Variants in NOMO1 observed in about 807,000 individuals in gnomAD.
NOMO1 encodes NODAL modulator 1, also known as nodal modulator 3.
Under a neutral mutation model 133.8 loss-of-function variants are expected in NOMO1, and 40 were observed. That is an observed-to-expected ratio of 0.30 (90% confidence interval 0.23 to 0.39). The LOEUF (loss-of-function observed/expected upper bound fraction) is 0.39, where lower values mean the gene tolerates loss of function less well. Among genes scored for constraint, NOMO1 ranks in the 10% least tolerant of loss-of-function variants. NOMO1 has a pLI of 1.00. For synonymous variants in NOMO1, 236 were observed against 570.5 expected (o/e 0.41, Z 8.36); for missense variants, 462 against 1,419.9 (o/e 0.33, Z 10.84).
intron 29 of NOMO1, 138 bp downstream of exon 29, chr16:14,889,353 A>T (rs1964373659): frequency 6.7e-7 from 1 of 1,502,782 alleles, no homozygotes; most frequent in Non-Finnish European, 9.0e-7. Context: ...GCAATACGGT[A>T]AAACCCCAAC....
At chr16:14,868,751 G>C (rs1964039584) in intron 16 of NOMO1, 116 bp downstream of exon 16, 2 of 686,360 alleles carry the variant, frequency 2.9e-6, no homozygotes, top group Non-Finnish European at 5.2e-6. Context: ...TTCAATTTCT[G>C]TGTGTTCAAC....
chr16:14,859,134 G>C (rs546668231), intron 11 of NOMO1, among the ~76,000 whole-genome samples: 2 of 152,088 alleles, frequency 1.3e-5, no homozygotes, highest in African/African-American at 2.4e-5. Context: ...AGAGTGCCAG[G>C]TGGCCCAGGG....
At chr16:14,862,954 A>G in intron 11 of NOMO1, 59 bp from the exon 12 acceptor site, 4 of 1,610,322 alleles carry the variant, frequency 2.5e-6, no homozygotes, top group Non-Finnish European at 3.4e-6. Flanking sequence ...TTGGTCTATA[A>G]GAGCCTTTCC....
At chr16:14,875,599 GGGTT>G (rs1325297012) in intron 20 of NOMO1, among the ~76,000 whole-genome samples, 177 bp downstream of exon 20, 3 of 150,008 alleles carry the variant, frequency 2.0e-5, no homozygotes, top group African/African-American at 4.9e-5. Context: ...ATGGATGGTT[GGGTT>G]GGATGGATGG....
intron 18 of NOMO1, among the ~76,000 whole-genome samples, chr16:14,873,301 T>C (rs1209853157): frequency 1.6e-5 from 2 of 127,408 alleles, no homozygotes; most frequent in Admixed American, 1.6e-4. Flanking sequence ...TTTTTCTTCC[T>C]GAAAGGTCCC....
rs555188881 is a variant in NOMO1 at position 14,839,053 on chromosome 16, G to T, written c.255+557G>T. Among the ~76,000 whole-genome samples, 198 of 147,502 alleles carry T rather than the reference G, an allele frequency of 1.3e-3. 1 individual carries two copies. The highest frequency in any genetic ancestry group is 4.4e-3 in the African/African-American group (178 of 40,282). ...TAATCTGATAAAGGGTTTTTTTGTT[G>T]TTTTTTTTTTTCTTCTTTTGAGATG... On this transcript the variant is annotated intron_variant, in intron 2 of 30. Transcript: ENST00000287667.
intron 6 of NOMO1, among the ~76,000 whole-genome samples, chr16:14,851,248 T>C (rs1963754769): frequency 4.6e-5 from 7 of 151,494 alleles, no homozygotes; most frequent in African/African-American, 1.7e-4. Flanking sequence ...GAAGTCAGGA[T>C]AATGTTTATC....
intron 23 of NOMO1, among the ~76,000 whole-genome samples, chr16:14,879,233 C>G (rs1174344797): frequency 2.6e-5 from 4 of 151,652 alleles, no homozygotes; most frequent in Non-Finnish European, 5.9e-5. Context: ...GTTTTTCTTT[C>G]AAGATGCAGT....
intron 9 of NOMO1, among the ~76,000 whole-genome samples, chr16:14,855,506 T>A (rs551040782): frequency 6.6e-6 from 1 of 151,958 alleles, no homozygotes; most frequent in South Asian, 2.1e-4. Context: ...TTAAAATCGC[T>A]TAAACTGGCA....
intron 6 of NOMO1, among the ~76,000 whole-genome samples, chr16:14,850,740 A>G (rs187078476): frequency 6.6e-6 from 1 of 151,840 alleles, no homozygotes; most frequent in Non-Finnish European, 1.5e-5. Flanking sequence ...CTTACTGTTT[A>G]TGACTTTTGG....
intron 28 of NOMO1, among the ~76,000 whole-genome samples, chr16:14,887,718 C>G (rs1964346991): frequency 6.6e-6 from 1 of 152,058 alleles, no homozygotes; most frequent in Non-Finnish European, 1.5e-5. Context: ...ACATATCACC[C>G]CATGCTTTCC....
intron 14 of NOMO1, among the ~76,000 whole-genome samples, chr16:14,866,286 C>T (rs983702412): frequency 2.0e-5 from 3 of 150,328 alleles, no homozygotes; most frequent in Non-Finnish European, 4.4e-5. Context: ...TCTTGAACTC[C>T]TGGCTTCAAG....
rs376877306 is a variant in NOMO1 at position 14,880,484 on chromosome 16, T to G, written c.2885+342T>G. ...TTGGCTCACTGCAACCTCTGCCTCC[T>G]GGGTTCCAGCAATTCTCTTGTCCTG... is the stretch of plus-strand genomic sequence containing the variant. On this transcript the variant is annotated intron_variant, in intron 24 of 30. Coordinates refer to ENST00000287667, the MANE Select transcript of NOMO1 (RefSeq NM_014287.4). 6.0e-5 allele frequency among the ~76,000 whole-genome samples: 9 copies of G among 149,684 alleles called. No homozygotes were observed. The East Asian group carries it at 1.8e-3, about 29-fold the overall frequency.
intron 3 of NOMO1, among the ~76,000 whole-genome samples, chr16:14,844,380 GAACTCTGAGATAT>G (rs1389335870): frequency 6.6e-6 from 1 of 151,360 alleles, no homozygotes; most frequent in Non-Finnish European, 1.5e-5. Context: ...ATTTTCACTG[GAACTCTGAGATAT>G]AACTTAGCTG....
Position 14,871,485 on chromosome 16 carries a change from CTGA to C in NOMO1, c.1895-134_1895-132del, listed in dbSNP as rs1463759526. On this transcript the variant is annotated intron_variant, in intron 16 of 30. Transcript: ENST00000287667. ...TGAAAACGATGCCTGCCCAGTATTT[CTGA>C]TCCCATTATTGCAGATCTGCGATAC... The C allele has an allele frequency of 2.7e-6, 3 of 1,096,618 alleles. No individual in the cohort carries two copies. In the African/African-American group the frequency reaches 4.8e-5, roughly 18 times the overall value. The allele number at this position is 1,096,618 out of a possible 1,614,324, so 67.9% of individuals were successfully genotyped here.
chr16:14,837,294 C>A (rs2151891170), intron 1 of NOMO1, among the ~76,000 whole-genome samples: 1 of 152,100 alleles, frequency 6.6e-6, no homozygotes, highest in East Asian at 1.9e-4. Context: ...CAGGCATGAG[C>A]CACCATGCCT....
At position 14,863,178 on chromosome 16, in the gene NOMO1, C is replaced by G; in HGVS notation, c.1386C>G (p.Tyr462Ter). 1.9e-6 allele frequency: 3 copies of G among 1,608,694 alleles called. No individual in the cohort carries two copies. The highest frequency in any genetic ancestry group is 2.2e-5 in the South Asian group (2 of 90,758). ...GTTTTAAAGCAAAACCAGGGACTTA[C>G]AAAGTGCAGGTGCGATGCATTGTTT... is the stretch of plus-strand genomic sequence containing the variant. ...SFCFKAKPGT[Y>*]KVQVMVPEAE... is the part of the protein sequence containing the mutation. The change falls in exon 12 of 31, where the codon TAC becomes TAG. Residue 462 changes from tyrosine to a stop codon, truncating the protein, a stop_gained. Transcript: ENST00000287667. LOFTEE classifies it high-confidence loss of function.
chr16:14,868,526 T>C, intron 15 of NOMO1, 22 bp from the exon 16 acceptor site: 9 of 1,611,036 alleles, frequency 5.6e-6, no homozygotes, highest in Non-Finnish European at 7.6e-6. Flanking sequence ...TAGTAGTCAT[T>C]GTATTGGCTT....
At position 14,838,451 on chromosome 16, in the gene NOMO1, CTG is replaced by C. The variant is rs1445409939; in HGVS notation, c.213_214del (p.Ala72ProfsTer2). 1 of 1,610,234 alleles carries C rather than the reference CTG, an allele frequency of 6.2e-7. No homozygotes were observed. Among genetic ancestry groups the C allele is most frequent in the African/African-American group, 1.3e-5 (1 of 74,546 alleles). On this transcript the variant is annotated frameshift_variant, in exon 2 of 31. Transcript: ENST00000287667. LOFTEE classifies it high-confidence loss of function. ...KHGTLKYQTD[C>X]APNNGYFMIP... ...ATGGGACTTTGAAATACCAGACAGACTGTGCCCCTAATAATGGTTACTTTATG... is the reference window on the plus strand; with the variant it reads ...ATGGGACTTTGAAATACCAGACAGACTGCCCCTAATAATGGTTACTTTATG...
Sources: allele counts gnomAD v4.1 joint callset (sites outside exome capture counted in the v4.1 genomes callset), GRCh38; gene constraint gnomAD v4.1.1; transcripts MANE v1.5; gene names NCBI Gene and HGNC (gene_info 2026-07-23, HGNC 2026-07-21).